NAV3: variants seen among roughly 807,000 people sequenced by gnomAD.
NAV3 encodes the protein neuron navigator 3, also known as pore membrane and/or filament interacting like protein 1.
Under a neutral mutation model 244.7 loss-of-function variants are expected in NAV3, and 87 were observed. The observed-to-expected ratio is 0.36, with a 90% CI of 0.30 to 0.42. NAV3 has a LOEUF of 0.42. Ranked by LOEUF, NAV3 falls within the 20% of genes least tolerant of loss-of-function variation. The pLI is 1.00. For synonymous variants in NAV3, 1,126 were observed against 1,042.2 expected, an observed-to-expected ratio of 1.08 and a Z score of -1.55; for missense variants, 2,663 against 2,893.3, an observed-to-expected ratio of 0.92 and a Z score of 1.83.
At chr12:77,960,397 A>G (rs1031374493) in intron 3 of NAV3, among the ~76,000 whole-genome samples, 1 of 151,444 alleles carries the variant, frequency 6.6e-6, no homozygotes, top group African/African-American at 2.4e-5. Context: ...AGTAGCCAAA[A>G]TTAAAAAGAA....
At chr12:77,961,101 C>A (rs111204041) in intron 3 of NAV3, among the ~76,000 whole-genome samples, 5,233 of 142,120 alleles carry the variant, frequency 0.037, 226 homozygotes, top group African/African-American at 0.095. Flanking sequence ...TACATGTATA[C>A]GCATATATGT....
intron 11 of NAV3, chr12:78,056,055 T>G (rs1158848190): frequency 2.6e-5 from 4 of 152,224 alleles, no homozygotes. Context: ...ATGGTCTACA[T>G]GTCTTATGTT....
At chr12:78,168,038 T>C (rs1173916650) in intron 23 of NAV3, among the ~76,000 whole-genome samples, 1 of 151,740 alleles carries the variant, frequency 6.6e-6, no homozygotes, top group Non-Finnish European at 1.5e-5. Context: ...TAAAATTTGA[T>C]CTGTAAGCTG....
chr12:77,831,431 T>C lies in NAV3; in HGVS notation c.-31T>C, dbSNP rs1873670697. 3.2e-6 allele frequency: 5 copies of C among 1,557,352 alleles called. No individual in the cohort carries two copies. Among genetic ancestry groups the C allele is most frequent in the Non-Finnish European group, 4.3e-6 (5 of 1,155,528 alleles). On this transcript the variant is annotated 5_prime_UTR_variant, in exon 1 of 40. Transcript: ENST00000397909. ...CAGACTGAGGTTAGAAGCATTTTCT[T>C]TGGCAGCAAGAAGATAATTTTATAG...
At chr12:77,798,912 A>G (rs1315532454) in intron 2 of NAV3, among the ~76,000 whole-genome samples, 2 of 152,216 alleles carry the variant, frequency 1.3e-5, no homozygotes, top group African/African-American at 4.8e-5. Flanking sequence ...CTGCAGAACA[A>G]AACACCCCCA....
chr12:77,627,425 C>T (rs929625844), intron 2 of NAV3, among the ~76,000 whole-genome samples: 3 of 152,012 alleles, frequency 2.0e-5, no homozygotes, highest in Non-Finnish European at 4.4e-5. Flanking sequence ...TGTAAAAGGA[C>T]GTATTACAAT....
intron 6 of NAV3, 130 bp downstream of exon 6, chr12:77,995,001 G>A: frequency 3.4e-6 from 2 of 592,268 alleles, no homozygotes; most frequent in South Asian, 2.4e-5. Context: ...AATTTTTCCA[G>A]GAAGATTTTC....
intron 1 of NAV3, among the ~76,000 whole-genome samples, chr12:77,909,055 G>A (rs910850172): frequency 2.0e-4 from 30 of 152,006 alleles, no homozygotes; most frequent in Admixed American, 1.2e-3. Context: ...GGATAATAAC[G>A]TTTGCTGATA....
At chr12:77,643,773 A>G (rs1872515989) in intron 2 of NAV3, among the ~76,000 whole-genome samples, 1 of 152,034 alleles carries the variant, frequency 6.6e-6, no homozygotes, top group African/African-American at 2.4e-5. Flanking sequence ...TACATTTCCT[A>G]TTAATCATTT....
chr12:77,640,366 T>G (rs79957498), intron 2 of NAV3, among the ~76,000 whole-genome samples: 297 of 152,254 alleles, frequency 2.0e-3, no homozygotes, highest in African/African-American at 6.9e-3. Flanking sequence ...CAAAACTTTC[T>G]TTAAATACTC....
intron 1 of NAV3, among the ~76,000 whole-genome samples, chr12:77,868,833 G>A (rs1178056580): frequency 1.3e-5 from 2 of 151,490 alleles, no homozygotes; most frequent in Non-Finnish European, 2.9e-5. Context: ...ACTTTGGGAG[G>A]CCAAGGCGAG....
chr12:77,751,960 G>T (rs1322667323), intron 2 of NAV3, among the ~76,000 whole-genome samples: 1 of 152,096 alleles, frequency 6.6e-6, no homozygotes, highest in African/African-American at 2.4e-5. Flanking sequence ...ATTACCAGAT[G>T]GGTGAATATT....
intron 12 of NAV3, among the ~76,000 whole-genome samples, chr12:78,088,216 TA>T (rs1293364196): frequency 6.6e-6 from 1 of 151,944 alleles, no homozygotes; most frequent in East Asian, 1.9e-4. Flanking sequence ...TAAAATACAT[TA>T]AAATCAATTA....
At chr12:77,897,930 G>T (rs910260523) in intron 1 of NAV3, among the ~76,000 whole-genome samples, 2 of 152,098 alleles carry the variant, frequency 1.3e-5, no homozygotes, top group Admixed American at 6.6e-5. Flanking sequence ...GCCTCCGAGT[G>T]GTTGGCCTCC....
chr12:78,142,940 A>G (rs1956693335), intron 20 of NAV3, among the ~76,000 whole-genome samples: 1 of 152,008 alleles, frequency 6.6e-6, no homozygotes. Context: ...TATTTGGGGA[A>G]CTACTTAAGA....
intron 20 of NAV3, among the ~76,000 whole-genome samples, chr12:78,145,672 C>A (rs1380066494): frequency 6.6e-6 from 1 of 152,156 alleles, no homozygotes; most frequent in Non-Finnish European, 1.5e-5. Context: ...AAACACCCTG[C>A]AAATTCCTAT....
chr12:77,874,712 G>A (rs1331488449), intron 1 of NAV3, among the ~76,000 whole-genome samples: 1 of 152,002 alleles, frequency 6.6e-6, no homozygotes, highest in Non-Finnish European at 1.5e-5. Flanking sequence ...ATTACCACTA[G>A]GGAGCTTTTG....
chr12:77,741,712 C>G (rs1290518325), intron 2 of NAV3, among the ~76,000 whole-genome samples: 1 of 151,976 alleles, frequency 6.6e-6, no homozygotes, highest in Non-Finnish European at 1.5e-5. Flanking sequence ...TATTGTTTGT[C>G]CAGTTATTTT....
chr12:77,617,855 T>C (rs1459219439), intron 2 of NAV3, among the ~76,000 whole-genome samples: 2 of 152,310 alleles, frequency 1.3e-5, no homozygotes, highest in Non-Finnish European at 1.5e-5. Context: ...TGAAATAATA[T>C]CTCAAATGGA....
Sources: allele counts gnomAD v4.1 joint callset (sites outside exome capture counted in the v4.1 genomes callset), GRCh38; gene constraint gnomAD v4.1.1; transcripts MANE v1.5; gene names NCBI Gene and HGNC (gene_info 2026-07-23, HGNC 2026-07-21).